Variants in ATE1 observed in about 807,000 individuals in gnomAD.
ATE1 encodes arginyl-tRNA--protein transferase 1.
Under a neutral mutation model 70.5 loss-of-function variants are expected in ATE1, and 36 were observed. The observed-to-expected ratio is 0.51, with a 90% CI of 0.39 to 0.67. The LOEUF (loss-of-function observed/expected upper bound fraction) is 0.67. ATE1 is among the 30% of genes least tolerant of loss of function. The probability of loss-of-function intolerance (pLI) is 0.00; values close to 1 mark genes in which losing one functional copy is unlikely to be tolerated. For missense variants in ATE1, 593 were observed against 629.5 expected (o/e 0.94, Z 0.62); for synonymous variants, 232 against 219.3 (o/e 1.06, Z -0.51).
chr10:121,841,375 T>C (rs1247341997), intron 8 of ATE1, 112 bp from the exon 9 acceptor site: 6 of 777,406 alleles, frequency 7.7e-6, no homozygotes, highest in Non-Finnish European at 1.1e-5. Context: ...TTCCTCTTTG[T>C]TTCCATCATC....
At chr10:121,810,718 G>A (rs998787930) in intron 10 of ATE1, among the ~76,000 whole-genome samples, 1 of 148,060 alleles carries the variant, frequency 6.8e-6, no homozygotes, top group African/African-American at 2.5e-5. Flanking sequence ...TTTTGTTTTT[G>A]TTGAGACAGA....
intron 7 of ATE1, among the ~76,000 whole-genome samples, chr10:121,873,685 G>C (rs569819558): frequency 2.3e-4 from 34 of 147,680 alleles, no homozygotes; most frequent in African/African-American, 7.8e-4. Context: ...TTCCTTTTTG[G>C]TAAGTTAAAA....
chr10:121,809,522 A>T (rs1947233656), intron 10 of ATE1, among the ~76,000 whole-genome samples: 1 of 152,172 alleles, frequency 6.6e-6, no homozygotes, highest in African/African-American at 2.4e-5. Flanking sequence ...AACATTCTTA[A>T]GTAAAACTGG....
intron 11 of ATE1, among the ~76,000 whole-genome samples, chr10:121,756,961 A>G (rs1209325091): frequency 6.6e-6 from 1 of 152,184 alleles, no homozygotes; most frequent in Non-Finnish European, 1.5e-5. Flanking sequence ...TCCTCAGAAA[A>G]TGGGATTTTC....
rs1944167040 is a variant in ATE1, at chr10:121,742,134, G to T, written c.*1546C>A. 1 of 152,184 alleles carries T rather than the reference G, an allele frequency of 6.6e-6. No homozygotes were observed. The highest frequency in any genetic ancestry group is 2.4e-5 in the African/African-American group (1 of 41,446). 9.4% of individuals were successfully genotyped at this position (152,184 alleles called of 1,614,324 possible). On this transcript the variant is annotated 3_prime_UTR_variant, in exon 12 of 12. Coordinates refer to ENST00000224652, the MANE Select transcript of ATE1 (RefSeq NM_001001976.3). ...TGGCTTTGCTCACTACTCTAGCTCG[G>T]TTAGCAGAGTACGCAGCACCTTGGC...
chr10:121,818,506 TCAAA>T (rs1448996542), intron 10 of ATE1, among the ~76,000 whole-genome samples: 1 of 152,116 alleles, frequency 6.6e-6, no homozygotes, highest in Non-Finnish European at 1.5e-5. Context: ...AGGCAGGCAC[TCAAA>T]CACACAAAAC....
intron 11 of ATE1, among the ~76,000 whole-genome samples, chr10:121,781,176 T>C (rs1306870688): frequency 1.1e-3 from 1 of 944 alleles, no homozygotes; most frequent in African/African-American, 1.8e-3. Context: ...CAGTCTGTAC[T>C]TTTTTTTTTC....
chr10:121,755,533 G>A (rs7918609), intron 11 of ATE1, among the ~76,000 whole-genome samples: 2,439 of 152,256 alleles, frequency 0.016, 66 homozygotes, highest in African/African-American at 0.049. Flanking sequence ...TTGTGTATTA[G>A]TCCGTTTTTA....
Position 121,882,596 on chromosome 10 carries a change from T to C in ATE1, c.943-12558A>G, listed in dbSNP as rs111300920. Among the ~76,000 whole-genome samples, 456 of 152,316 alleles carry C rather than the reference T, an allele frequency of 3.0e-3. 4 individuals carry two copies. The highest frequency in any genetic ancestry group is 0.01 in the African/African-American group (429 of 41,562). On this transcript the variant is annotated intron_variant, in intron 7 of 11. Transcript: ENST00000224652. ...GAGATGAGAGTTAAGGCAGAAATGA[T>C]TGATTAGAGTTCACATTTTCACCCT...
At chr10:121,872,479 C>T (rs999678286) in intron 7 of ATE1, among the ~76,000 whole-genome samples, 1 of 152,082 alleles carries the variant, frequency 6.6e-6, no homozygotes, top group African/African-American at 2.4e-5. Flanking sequence ...TCAAAAAATG[C>T]CTTCTCTCTT....
intron 10 of ATE1, among the ~76,000 whole-genome samples, chr10:121,790,537 T>C (rs1946391128): frequency 6.6e-6 from 1 of 152,158 alleles, no homozygotes; most frequent in Non-Finnish European, 1.5e-5. Context: ...AAAATTCGAG[T>C]TTTTACTCCC....
intron 11 of ATE1, among the ~76,000 whole-genome samples, chr10:121,753,261 A>C (rs1201351250): frequency 2.0e-5 from 3 of 152,162 alleles, no homozygotes; most frequent in Admixed American, 2.0e-4. Context: ...GAGAATAGAG[A>C]CAGTGTTTCT....
At chr10:121,832,931 T>G (rs1004606058) in intron 10 of ATE1, among the ~76,000 whole-genome samples, 1 of 152,162 alleles carries the variant, frequency 6.6e-6, no homozygotes, top group Non-Finnish European at 1.5e-5. Context: ...ATTTAGAAAT[T>G]TGGATGTCAT....
At chr10:121,745,266 A>G (rs1944303794) in intron 11 of ATE1, among the ~76,000 whole-genome samples, 1 of 152,188 alleles carries the variant, frequency 6.6e-6, no homozygotes, top group Non-Finnish European at 1.5e-5. Context: ...TCTAAGAACA[A>G]TCCTACAGCA....
At chr10:121,822,850 G>C (rs544067155) in intron 10 of ATE1, among the ~76,000 whole-genome samples, 1 of 152,274 alleles carries the variant, frequency 6.6e-6, no homozygotes, top group East Asian at 1.9e-4. Flanking sequence ...CTCACAAATG[G>C]ACAAGCAGTG....
At chr10:121,750,789 T>G (rs1013998370) in intron 11 of ATE1, among the ~76,000 whole-genome samples, 3 of 152,226 alleles carry the variant, frequency 2.0e-5, no homozygotes, top group African/African-American at 7.2e-5. Context: ...GGAAGATACT[T>G]ATATAAATGG....
At chr10:121,885,676 G>A (rs906949671) in intron 7 of ATE1, among the ~76,000 whole-genome samples, 7 of 151,926 alleles carry the variant, frequency 4.6e-5, no homozygotes, top group Non-Finnish European at 7.4e-5. Flanking sequence ...GCAGGCAGGC[G>A]GATCACTTGA....
chr10:121,828,704 A>T (rs1167770751), intron 10 of ATE1, among the ~76,000 whole-genome samples: 3 of 152,164 alleles, frequency 2.0e-5, no homozygotes, highest in Non-Finnish European at 4.4e-5. Flanking sequence ...CAGGGATGAG[A>T]AGCCCTGACG....
intron 8 of ATE1, among the ~76,000 whole-genome samples, chr10:121,864,600 C>A (rs1271876987): frequency 2.0e-5 from 3 of 152,226 alleles, no homozygotes. Flanking sequence ...TTAGTACCAT[C>A]ATAATCAGTA....
Sources: gnomAD v4.1 joint callset for allele counts (sites outside exome capture counted in the v4.1 genomes callset) on GRCh38, gnomAD v4.1.1 for gene constraint, MANE v1.5 for transcripts, NCBI Gene and HGNC (gene_info 2026-07-23, HGNC 2026-07-21) for gene names.